Variants in EPHA10 observed in about 807,000 individuals in gnomAD.
The protein encoded by EPHA10 is ephrin type-A receptor 10.
In EPHA10, 120 loss-of-function variants were observed where a neutral mutation model predicts 109.7. That is an observed-to-expected ratio of 1.09 (90% CI 0.94 to 1.27). The LOEUF (loss-of-function observed/expected upper bound fraction) is 1.27, where lower values mean the gene tolerates loss of function less well. Ranked by LOEUF, EPHA10 falls within the 50% of genes most tolerant of loss-of-function variation. EPHA10 has a pLI of 0.00. For synonymous variants in EPHA10, 640 were observed against 618.9 expected (o/e 1.03, Z -0.51); for missense variants, 1,396 against 1,411.1 (o/e 0.99, Z 0.17).
At chr1:37,713,891 T>A (rs547641948), downstream of EPHA10, 1 of 152,352 alleles carries the variant, frequency 6.6e-6, no homozygotes, top group South Asian at 2.1e-4. Flanking sequence ...TTGTCCCTGA[T>A]GCGCGGCATC....
rs376540009 is a variant in EPHA10 at position 37,720,031 on chromosome 1, C to A, written c.2440G>T (p.Ala814Ser). The A allele has an allele frequency of 1.2e-6, 2 of 1,613,602 alleles. No homozygotes were observed. The highest frequency in any genetic ancestry group is 8.5e-7 in the Non-Finnish European group (1 of 1,179,998). The change falls in exon 14 of 17, where the codon GCT (alanine) becomes TCT (serine). Residue 814 changes from alanine (A) to serine (S), a missense_variant. Ala to Ser is a moderately conservative substitution (Grantham distance 99). Transcript: ENST00000373048. Reference protein sequence around the residue: ...MSGRSPALWAAPETLQFGHFS... With the variant: ...MSGRSPALWASPETLQFGHFS... ...TGGCCAAACTGAAGTGTCTCGGGAG[C>A]GGCCCATAGCGCTGGGCTCCGGCCA...
intron 14 of EPHA10, 107 bp from the exon 15 acceptor site, chr1:37,719,714 G>C: frequency 7.1e-7 from 1 of 1,410,104 alleles, no homozygotes; most frequent in Non-Finnish European, 9.8e-7. Flanking sequence ...ACACACACAT[G>C]CGCACACACA....
Position 37,731,431 on chromosome 1 carries a change from T to C in EPHA10, c.1643A>G (p.Glu548Gly). ...WEAQSFNPSI[E>G]VQTLGEAASG... ...CTTACCCTCCCCCAGGGTCTGTACTTCAATGCTGGGGTTAAAACTCTGGGC... is the reference window on the plus strand; with the variant it reads ...CTTACCCTCCCCCAGGGTCTGTACTCCAATGCTGGGGTTAAAACTCTGGGC... Residue 548 changes from glutamate (E) to glycine (G), a missense_variant, in exon 7 of 17, where the codon GAA becomes GGA. Glu to Gly is a moderately conservative substitution (Grantham distance 98). Transcript: ENST00000373048. 1 of 1,611,602 alleles carries C rather than the reference T, an allele frequency of 6.2e-7. No individual in the cohort carries two copies.
downstream of EPHA10, chr1:37,713,981 G>A (rs565573200): frequency 1.3e-5 from 2 of 152,330 alleles, no homozygotes; most frequent in East Asian, 3.9e-4. Flanking sequence ...ATAGTTGGCT[G>A]TGATGTTTCT....
intron 5 of EPHA10, among the ~76,000 whole-genome samples, chr1:37,737,610 C>A (rs1051738975): frequency 6.6e-6 from 1 of 152,126 alleles, no homozygotes; most frequent in Admixed American, 6.6e-5. Context: ...AAAATGAACT[C>A]AAAGTGGATT....
chr1:37,735,469 G>T, intron 5 of EPHA10, 79 bp from the exon 6 acceptor site: 1 of 1,493,286 alleles, frequency 6.7e-7, no homozygotes, highest in Non-Finnish European at 9.0e-7. Flanking sequence ...AGGGTGCGGC[G>T]TGCGGGGCTG....
At position 37,718,422 on chromosome 1, in the gene EPHA10, C is replaced by T. The variant is rs763316352; in HGVS notation, c.2977G>A (p.Ala993Thr). The change falls in exon 17 of 17, where the codon GCC (alanine) becomes ACC (threonine). Residue 993 changes from alanine to threonine, a missense_variant. Coordinates refer to ENST00000373048, the MANE Select transcript of EPHA10 (RefSeq NM_001099439.2). ...HREALLSGISALQARVLQLQG... is the reference protein window; with the variant it reads ...HREALLSGISTLQARVLQLQG... ...AGCTGGAGCACTCGTGCCTGCAGGG[C>T]GCTGATCCCGCTGAGGAGGGCCTCT... 7 of 1,613,096 alleles carry T rather than the reference C, an allele frequency of 4.3e-6. No individual in the cohort carries two copies. The highest frequency in any genetic ancestry group is 5.1e-6 in the Non-Finnish European group (6 of 1,179,922).
chr1:37,758,050 A>G (rs778411650), intron 3 of EPHA10, among the ~76,000 whole-genome samples: 2 of 152,192 alleles, frequency 1.3e-5, no homozygotes, highest in Admixed American at 6.5e-5. Flanking sequence ...ACATTCCATC[A>G]GTCATCTCCC....
chr1:37,762,130 C>A, intron 2 of EPHA10, 47 bp from the exon 3 acceptor site: 6 of 1,519,318 alleles, frequency 3.9e-6, no homozygotes, highest in Non-Finnish European at 4.4e-6. Flanking sequence ...CAAAGTGCTT[C>A]CAGGAGGTGG....
intron 5 of EPHA10, 36 bp downstream of exon 5, chr1:37,752,840 C>A: frequency 1.6e-6 from 2 of 1,221,696 alleles, no homozygotes; most frequent in South Asian, 3.4e-5. Context: ...GCGGCAGGCG[C>A]GGTGGCCTCG....
chr1:37,721,455 G>GA (rs1645795346), intron 11 of EPHA10, among the ~76,000 whole-genome samples: 1 of 151,284 alleles, frequency 6.6e-6, no homozygotes, highest in Non-Finnish European at 1.5e-5. Flanking sequence ...AAGAAAGAAA[G>GA]AAAAGAAAGG....
intron 5 of EPHA10, among the ~76,000 whole-genome samples, chr1:37,750,685 T>G (rs1216761739): frequency 6.6e-6 from 1 of 151,748 alleles, no homozygotes; most frequent in Non-Finnish European, 1.5e-5. Flanking sequence ...GCTCAACTGA[T>G]CCTCCTCCTT....
intron 8 of EPHA10, 97 bp downstream of exon 8, chr1:37,726,993 GGTGCAAATCTGC>G: frequency 1.3e-6 from 1 of 775,126 alleles, no homozygotes. Flanking sequence ...TGTGCTTGCA[GGTGCAAATCTGC>G]GTGTGTGCAA....
chr1:37,741,076 G>A (rs1646146011), intron 5 of EPHA10, among the ~76,000 whole-genome samples: 1 of 152,144 alleles, frequency 6.6e-6, no homozygotes, highest in African/African-American at 2.4e-5. Flanking sequence ...TTTTCCAGTG[G>A]TTAGCCCACT....
intron 5 of EPHA10, among the ~76,000 whole-genome samples, chr1:37,739,671 A>G (rs1457787376): frequency 3.7e-5 from 5 of 134,152 alleles, no homozygotes; most frequent in African/African-American, 1.1e-4. Flanking sequence ...CCTGGTTGAT[A>G]GAGTGAGACC....
intron 5 of EPHA10, among the ~76,000 whole-genome samples, chr1:37,740,825 G>A (rs929131859): frequency 1.4e-4 from 21 of 152,166 alleles, no homozygotes; most frequent in African/African-American, 3.6e-4. Context: ...AGGTGTCTGG[G>A]AGAAAAATGG....
chr1:37,762,543 C>T (rs1277528221), intron 2 of EPHA10, among the ~76,000 whole-genome samples: 1 of 151,122 alleles, frequency 6.6e-6, no homozygotes, highest in Non-Finnish European at 1.5e-5. Flanking sequence ...CCAGATGCCA[C>T]ATTTCTGTTC....
chr1:37,719,357 T>C, intron 15 of EPHA10, 57 bp downstream of exon 15: 3 of 1,579,326 alleles, frequency 1.9e-6, no homozygotes, highest in Non-Finnish European at 2.6e-6. Flanking sequence ...ACTTGCAACA[T>C]GCAGGGAGGC....
At position 37,727,891 on chromosome 1, in the gene EPHA10, G is replaced by A. The variant is rs190737929; in HGVS notation, c.1664-681C>T. On this transcript the variant is annotated intron_variant, in intron 7 of 16. Coordinates refer to ENST00000373048, the MANE Select transcript of EPHA10 (RefSeq NM_001099439.2). ...ACCCTCGCTCTCAGCCCTATTCATC[G>A]ATCTATCCAATCAACCCATCCATCC... Among the ~76,000 whole-genome samples the A allele has an allele frequency of 2.6e-3, 390 of 152,244 alleles. 6 individuals are homozygous for A. Among genetic ancestry groups the A allele is most frequent in the Middle Eastern group, 0.014 (4 of 294 alleles).
Sources: gnomAD v4.1 joint callset for allele counts (sites outside exome capture counted in the v4.1 genomes callset) on GRCh38, gnomAD v4.1.1 for gene constraint, MANE v1.5 for transcripts, NCBI Gene and HGNC (gene_info 2026-07-23, HGNC 2026-07-21) for gene names.